Variants in C3orf52 observed in about 807,000 individuals in gnomAD.
C3orf52 encodes TPA-induced transmembrane protein.
In C3orf52, 22 loss-of-function variants were observed where a neutral mutation model predicts 24.8. The observed-to-expected ratio is 0.89, with a 90% CI of 0.63 to 1.27. The LOEUF is 1.27. Among genes scored for constraint, C3orf52 ranks in the 50% most tolerant of loss-of-function variants. The pLI is 0.00. For missense variants in C3orf52, 265 were observed against 260.7 expected, an observed-to-expected ratio of 1.02 and a Z score of -0.11; for synonymous variants, 93 against 100.2, an observed-to-expected ratio of 0.93 and a Z score of 0.43.
At chr3:112,127,080 C>G in intron 4 of C3orf52, 2 of 1,245,308 alleles carry the variant, frequency 1.6e-6, no homozygotes, top group South Asian at 2.5e-5. Context: ...CAGAAACTCT[C>G]AAAGGAAATG....
At chr3:112,087,569 A>G (rs2073841461) in intron 1 of C3orf52, among the ~76,000 whole-genome samples, 1 of 152,192 alleles carries the variant, frequency 6.6e-6, no homozygotes, top group Non-Finnish European at 1.5e-5. Flanking sequence ...GGAAATTCAA[A>G]AGTTGAAAGC....
At chr3:112,095,933 A>G (rs2073922210) in intron 2 of C3orf52, among the ~76,000 whole-genome samples, 1 of 152,186 alleles carries the variant, frequency 6.6e-6, no homozygotes, top group South Asian at 2.1e-4. Flanking sequence ...GCCCATTAAT[A>G]TGAATCAGAT....
At chr3:112,088,178 A>G (rs2073846192) in intron 1 of C3orf52, among the ~76,000 whole-genome samples, 1 of 152,196 alleles carries the variant, frequency 6.6e-6, no homozygotes, top group African/African-American at 2.4e-5. Context: ...GATGGAGTGA[A>G]GGTGAAGGGC....
intron 3 of C3orf52, 59 bp from the exon 4 acceptor site, chr3:112,109,484 T>C (rs1488509167): frequency 2.8e-6 from 3 of 1,081,968 alleles, no homozygotes; most frequent in Non-Finnish European, 4.2e-6. Context: ...CTTTGTCAGG[T>C]GATGTGTAAT....
intron 5 of C3orf52, among the ~76,000 whole-genome samples, chr3:112,115,171 G>A (rs1334051544): frequency 6.6e-6 from 1 of 152,188 alleles, no homozygotes; most frequent in Non-Finnish European, 1.5e-5. Context: ...GCATGAATGT[G>A]CAATATTTGA....
intron 4 of C3orf52, chr3:112,125,314 CA>C: frequency 8.8e-7 from 1 of 1,142,168 alleles, no homozygotes; most frequent in Non-Finnish European, 1.3e-6. Context: ...AAGGGAAGAG[CA>C]GGGGAGGCTA....
At chr3:112,119,341 C>T (rs766135183), downstream of C3orf52, 70 of 649,214 alleles carry the variant, frequency 1.1e-4, no homozygotes, top group Admixed American at 3.1e-4. Flanking sequence ...CGCCATTGCA[C>T]TCCAGCCTGG....
chr3:112,089,066 G>A (rs1224615869), intron 1 of C3orf52, among the ~76,000 whole-genome samples: 2 of 152,160 alleles, frequency 1.3e-5, no homozygotes, highest in Non-Finnish European at 2.9e-5. Context: ...AATATGGCTG[G>A]GTCAAAAGTG....
At chr3:112,132,989 C>T, downstream of C3orf52, 1 of 1,178,766 alleles carries the variant, frequency 8.5e-7, no homozygotes, top group Non-Finnish European at 1.2e-6. Flanking sequence ...CTACTTTCTA[C>T]CCCAACTTAG....
At chr3:112,089,482 T>C (rs2073858941) in intron 1 of C3orf52, among the ~76,000 whole-genome samples, 1 of 135,128 alleles carries the variant, frequency 7.4e-6, no homozygotes, top group Non-Finnish European at 1.5e-5. Flanking sequence ...TGAGCCCAGA[T>C]CACGCCACTG....
In C3orf52 at chr3:112,116,978, G is replaced by T. The variant is rs1160846823; in HGVS notation, c.*332G>T. 1 of 1,495,274 alleles carries T rather than the reference G, an allele frequency of 6.7e-7. No homozygotes were observed. Among genetic ancestry groups the T allele is most frequent in the Non-Finnish European group, 9.0e-7 (1 of 1,113,200 alleles). 92.6% of individuals were successfully genotyped at this position (1,495,274 alleles called of 1,614,324 possible). On this transcript the variant is annotated 3_prime_UTR_variant, in exon 6 of 6. Transcript: ENST00000264848. ...TTGTTTCGTTTTGTTTTTTGAGACA[G>T]GGTCTCGTTCTGTCGCTTAGCTGGA... is the stretch of plus-strand genomic sequence containing the variant.
At chr3:112,108,126 A>C (rs1015156807) in intron 3 of C3orf52, among the ~76,000 whole-genome samples, 3 of 152,250 alleles carry the variant, frequency 2.0e-5, no homozygotes, top group African/African-American at 7.2e-5. Context: ...AACAACTAGT[A>C]TCCAGAATAT....
Position 112,102,846 on chromosome 3 carries a change from G to A in C3orf52, c.277G>A (p.Val93Ile), listed in dbSNP as rs1261612829. The A allele has an allele frequency of 1.9e-6, 3 of 1,563,286 alleles. No homozygotes were observed. The highest frequency in any genetic ancestry group is 1.4e-5 in the African/African-American group (1 of 73,768). Residue 93 changes from valine (V) to isoleucine (I), a missense_variant, in exon 3 of 6, where the codon GTT becomes ATT. Physicochemically the swap from Val to Ile is conservative, Grantham distance 29 (BLOSUM62 3). Transcript: ENST00000264848. ...IGLCLAAVTY[V>I]DEDENEILEL... is the part of the protein sequence containing the mutation. ...TCCCCTACTTTCTTTAGTAACTTAT[G>A]TTGATGAAGATGAAAATGAAATACT...
downstream of C3orf52, chr3:112,129,289 G>A (rs1007789064): frequency 7.2e-5 from 11 of 152,222 alleles, no homozygotes; most frequent in Admixed American, 3.3e-4. Flanking sequence ...GAACTCCTGA[G>A]GCCACAGTTT....
intron 1 of C3orf52, among the ~76,000 whole-genome samples, chr3:112,087,212 A>G (rs886430959): frequency 6.6e-5 from 10 of 152,280 alleles, no homozygotes; most frequent in African/African-American, 2.4e-4. Context: ...GCCCTGCTCA[A>G]TTGAAAGAAA....
chr3:112,113,174 T>C (rs1393280362), intron 5 of C3orf52, 29 bp downstream of exon 5: 1 of 1,551,594 alleles, frequency 6.4e-7, no homozygotes, highest in Non-Finnish European at 8.7e-7. Context: ...GAAGTCAGAG[T>C]TGTGACAATA....
intron 3 of C3orf52, among the ~76,000 whole-genome samples, chr3:112,105,126 A>G (rs1028855654): frequency 1.3e-5 from 2 of 152,180 alleles, no homozygotes; most frequent in Non-Finnish European, 2.9e-5. Context: ...GTAGTGGCAA[A>G]AGAACAGGGA....
intron 1 of C3orf52, 107 bp downstream of exon 1, chr3:112,086,652 G>A: frequency 1.4e-6 from 2 of 1,390,902 alleles, no homozygotes; most frequent in Non-Finnish European, 1.9e-6. Context: ...GGGCGTCGAC[G>A]GCGCCGAGCG....
intron 4 of C3orf52, chr3:112,123,792 C>T (rs895339700): frequency 6.3e-7 from 1 of 1,598,890 alleles, no homozygotes; most frequent in African/African-American, 1.3e-5. Context: ...AAAGAAGAAC[C>T]ATCATCAAGA....
Sources: gnomAD v4.1 joint callset for allele counts (sites outside exome capture counted in the v4.1 genomes callset) on GRCh38, gnomAD v4.1.1 for gene constraint, MANE v1.5 for transcripts, NCBI Gene and HGNC (gene_info 2026-07-23, HGNC 2026-07-21) for gene names.